CRYBG2: variants seen among roughly 807,000 people sequenced by gnomAD.
CRYBG2 encodes the protein beta/gamma crystallin domain-containing protein 2.
CRYBG2 carries 106 observed loss-of-function variants against 153.4 expected under a neutral mutation model. That is an observed-to-expected ratio of 0.69 (90% CI 0.59 to 0.81). CRYBG2 has a LOEUF of 0.81. Ranked by LOEUF, CRYBG2 falls within the 30% of genes least tolerant of loss-of-function variation. The pLI, the probability that CRYBG2 is intolerant of heterozygous loss-of-function variation, is 0.00. For synonymous variants in CRYBG2, 851 were observed against 877.8 expected (o/e 0.97, Z 0.54); for missense variants, 1,996 against 2,112.0 (o/e 0.95, Z 1.08).
intron 15 of CRYBG2, among the ~76,000 whole-genome samples, chr1:26,329,906 C>T (rs990201984): frequency 6.6e-6 from 1 of 151,998 alleles, no homozygotes; most frequent in Non-Finnish European, 1.5e-5. Flanking sequence ...CCATCATGCC[C>T]GGCTAATTTT....
rs2073907345 is a variant in CRYBG2 at position 26,325,145 on chromosome 1, C to G, written c.4579-835G>C. Reference sequence around the variant, plus strand: ...GTAAAATGTGAGGGGTGGAGATAATCTCCAAGATTTCTCCCAGCAATGATG... The same window carrying G: ...GTAAAATGTGAGGGGTGGAGATAATGTCCAAGATTTCTCCCAGCAATGATG... On this transcript the variant is annotated intron_variant, in intron 17 of 19. Transcript: ENST00000308182. The surrounding 1 kb of genome is among the most constrained non-coding windows in gnomAD (Gnocchi z 4.1). 6.6e-6 allele frequency: 1 copy of G among 152,342 alleles called. No homozygotes were observed. Among genetic ancestry groups the G allele is most frequent in the Middle Eastern group, 3.4e-3 (1 of 294 alleles). 9.4% of individuals were successfully genotyped at this position (152,342 alleles called of 1,614,324 possible). A position where few individuals can be genotyped will look rare whatever the true frequency, so the allele number is the denominator to read the frequency against.
intron 5 of CRYBG2, among the ~76,000 whole-genome samples, chr1:26,340,279 C>T (rs1423264473): frequency 6.6e-6 from 1 of 152,200 alleles, no homozygotes; most frequent in Non-Finnish European, 1.5e-5. Context: ...CATGTCCTAC[C>T]CTATCTCATT....
At chr1:26,330,503 GAGA>G (rs1004871581) in intron 15 of CRYBG2, among the ~76,000 whole-genome samples, 2 of 150,776 alleles carry the variant, frequency 1.3e-5, no homozygotes, top group African/African-American at 4.9e-5. Flanking sequence ...TAGCATTGTG[GAGA>G]AGATTAAAAG....
In CRYBG2 at chr1:26,345,996, AC is replaced by A; in HGVS notation, c.661del (p.Val221TrpfsTer15). The A allele has an allele frequency of 5.0e-6, 8 of 1,593,688 alleles. No individual in the cohort carries two copies. The highest frequency in any genetic ancestry group is 6.8e-6 in the Non-Finnish European group (8 of 1,177,308). ...RQVSRMVPPV[V>X]VGSPPGSPSR... is the part of the protein sequence containing the mutation. ...GGGCGAGCCTGGTGGGGAGCCCACC[AC>A]CACTGGCGGCACCATGCGGGAGACC... On this transcript the variant is annotated frameshift_variant, in exon 2 of 20. Coordinates refer to ENST00000308182, the MANE Select transcript of CRYBG2 (RefSeq NM_001039775.4). LOFTEE classifies it high-confidence loss of function.
chr1:26,349,125 C>T (rs1056800631), intron 1 of CRYBG2, among the ~76,000 whole-genome samples: 2 of 151,836 alleles, frequency 1.3e-5, no homozygotes, highest in African/African-American at 2.4e-5. Flanking sequence ...GCTGAGATCA[C>T]GCCTCTGCAC....
intron 10 of CRYBG2, 21 bp from the exon 11 acceptor site, chr1:26,337,001 A>T (rs376864521): frequency 9.7e-5 from 156 of 1,612,630 alleles, no homozygotes; most frequent in Non-Finnish European, 1.3e-4. Flanking sequence ...AGGGACAGTC[A>T]GGTCTCTCCC....
intron 5 of CRYBG2, among the ~76,000 whole-genome samples, chr1:26,342,332 A>G (rs542080185): frequency 1.3e-5 from 2 of 152,184 alleles, no homozygotes; most frequent in South Asian, 4.1e-4. Flanking sequence ...TTCCCCAGTC[A>G]GCTCCACGGT....
chr1:26,349,242 G>T (rs954740229), intron 1 of CRYBG2, among the ~76,000 whole-genome samples: 1 of 152,120 alleles, frequency 6.6e-6, no homozygotes, highest in Non-Finnish European at 1.5e-5. Flanking sequence ...GCTTTACAAG[G>T]CACTCTTCCC....
In CRYBG2 at chr1:26,344,176, C is replaced by T; in HGVS notation, c.2482G>A (p.Glu828Lys). 6.5e-7 allele frequency: 1 copy of T among 1,535,842 alleles called. No individual in the cohort carries two copies. Among genetic ancestry groups the T allele is most frequent in the Non-Finnish European group, 8.7e-7 (1 of 1,146,668 alleles). ...QEVPSLEEKE[E>K]EEEEEPENPY... ...TTCTCTGGTTCCTCCTCCTCCTCCTCCTCTTTCTCTTCCAGTGAAGGCACC... is the reference window on the plus strand; with the variant it reads ...TTCTCTGGTTCCTCCTCCTCCTCCTTCTCTTTCTCTTCCAGTGAAGGCACC... The change falls in exon 2 of 20, where the codon GAG becomes AAG. Residue 828 changes from glutamate (E) to lysine (K), a missense_variant. Physicochemically the swap from Glu to Lys is moderately conservative, Grantham distance 56. Transcript: ENST00000308182.
Position 26,336,668 on chromosome 1 carries a change from G to C in CRYBG2, c.3976C>G (p.Arg1326Gly). Reference sequence around the variant, plus strand: ...CCAGCGCCCCAGTCCTCGCAGTTACGATACACGCCCTTCTCCAGCACGTAC... The same window carrying C: ...CCAGCGCCCCAGTCCTCGCAGTTACCATACACGCCCTTCTCCAGCACGTAC... ...EQYVLEKGVY[R>G]NCEDWGAGNS... Residue 1326 changes from arginine to glycine, a missense_variant, in exon 12 of 20, where the codon CGT becomes GGT. Coordinates refer to ENST00000308182, the MANE Select transcript of CRYBG2 (RefSeq NM_001039775.4). The surrounding 1 kb of genome is among the most constrained non-coding windows in gnomAD (Gnocchi z 4.9). 1 of 1,556,312 alleles carries C rather than the reference G, an allele frequency of 6.4e-7. No homozygotes were observed.
rs965942414 is a variant in CRYBG2, at chr1:26,342,499, A to C, written c.3204+255T>G. On this transcript the variant is annotated intron_variant, in intron 5 of 19. Coordinates refer to ENST00000308182, the MANE Select transcript of CRYBG2 (RefSeq NM_001039775.4). ...ACTGCAACCTCTGCCTCCCGGGTTC[A>C]AGTAATTCTCCTGCCTCAGCCTCCT... Among the ~76,000 whole-genome samples, 5 of 152,196 alleles carry C rather than the reference A, an allele frequency of 3.3e-5. No individual in the cohort carries two copies. In the East Asian group the frequency reaches 9.6e-4, roughly 29 times the overall value.
chr1:26,338,599 C>G, intron 6 of CRYBG2, 122 bp from the exon 7 acceptor site: 1 of 1,142,254 alleles, frequency 8.8e-7, no homozygotes. Flanking sequence ...CCATCAGTCT[C>G]GTATAATCTC....
At chr1:26,322,813 A>G (rs1364930842) in intron 18 of CRYBG2, among the ~76,000 whole-genome samples, 1 of 152,158 alleles carries the variant, frequency 6.6e-6, no homozygotes, top group African/African-American at 2.4e-5. Flanking sequence ...TAAGTAAAAG[A>G]CAAAACCTCT....
intron 1 of CRYBG2, among the ~76,000 whole-genome samples, chr1:26,351,680 C>T (rs2074288526): frequency 6.6e-6 from 1 of 152,192 alleles, no homozygotes; most frequent in Non-Finnish European, 1.5e-5. Context: ...ACCAGCCCAA[C>T]CCCTGGACAA....
chr1:26,345,827 C>G lies in CRYBG2; in HGVS notation c.831G>C (p.Leu277=). The G allele has an allele frequency of 6.3e-7, 1 of 1,596,522 alleles. No individual in the cohort carries two copies. Among genetic ancestry groups the G allele is most frequent in the Non-Finnish European group, 8.5e-7 (1 of 1,179,128 alleles). The part of the protein sequence containing the change: ...GSTVGAALRQ[L]PETGTAELKD... Reference sequence around the variant, plus strand: ...TAAGCTCTGCTGTCCCGGTCTCAGGCAGCTGCCTCAAGGCTGCCCCCACTG... The same window carrying G: ...TAAGCTCTGCTGTCCCGGTCTCAGGGAGCTGCCTCAAGGCTGCCCCCACTG... Residue 277 remains leucine, a synonymous_variant, in exon 2 of 20, where the codon CTG becomes CTC. Transcript: ENST00000308182.
intron 15 of CRYBG2, among the ~76,000 whole-genome samples, chr1:26,330,538 CTTT>C (rs35886545): frequency 8.5e-6 from 1 of 118,084 alleles, no homozygotes. Flanking sequence ...TGTGGCAAGC[CTTT>C]TTTTTTTTTT....
intron 1 of CRYBG2, among the ~76,000 whole-genome samples, chr1:26,350,299 C>T (rs1208191666): frequency 6.6e-6 from 1 of 152,128 alleles, no homozygotes; most frequent in East Asian, 1.9e-4. Flanking sequence ...AGAAAATAGA[C>T]TAAGCTCCCT....
At chr1:26,349,966 C>T (rs1231897694) in intron 1 of CRYBG2, among the ~76,000 whole-genome samples, 4 of 151,878 alleles carry the variant, frequency 2.6e-5, no homozygotes, top group Admixed American at 6.6e-5. Flanking sequence ...AAGCCTGCAC[C>T]GCTATGCCTG....
chr1:26,326,830 G>A (rs938075945), intron 17 of CRYBG2: 2 of 515,584 alleles, frequency 3.9e-6, no homozygotes, highest in Admixed American at 2.0e-5. Flanking sequence ...CATGTGGCGT[G>A]TGCCCAGGCA....
Sources: gnomAD v4.1 joint callset for allele counts (sites outside exome capture counted in the v4.1 genomes callset) on GRCh38, gnomAD v4.1.1 for gene constraint, Gnocchi (gnomAD v3.1) non-coding constraint, MANE v1.5 for transcripts, NCBI Gene and HGNC (gene_info 2026-07-23, HGNC 2026-07-21) for gene names.